Variants in NPAS3 observed in about 807,000 individuals in gnomAD.
NPAS3 encodes neuronal PAS domain protein 3.
Under a neutral mutation model 73.1 loss-of-function variants are expected in NPAS3, and 14 were observed. That is an observed-to-expected ratio of 0.19 (90% CI 0.13 to 0.30). NPAS3 has a LOEUF of 0.30. Ranked by LOEUF, NPAS3 falls within the 10% of genes least tolerant of loss-of-function variation. The pLI is 1.00. For synonymous variants in NPAS3, 620 were observed against 541.5 expected, an observed-to-expected ratio of 1.14 and a Z score of -2.01; for missense variants, 1,096 against 1,250.0, an observed-to-expected ratio of 0.88 and a Z score of 1.86.
intron 4 of NPAS3, among the ~76,000 whole-genome samples, chr14:33,445,716 T>A (rs918322299): frequency 6.6e-6 from 1 of 152,230 alleles, no homozygotes; most frequent in Non-Finnish European, 1.5e-5. Context: ...TACCATTTAT[T>A]CTCTCTTCAA....
rs185262124 is a variant in NPAS3 at position 33,431,940 on chromosome 14, G to A, written c.468+64672G>A. ...TCAGAAGTCCATGTGAAAGGTATTA[G>A]TCTGATCAACTATAGCATTTTTAGT... On this transcript the variant is annotated intron_variant, in intron 4 of 11. Transcript: ENST00000356141. Among the ~76,000 whole-genome samples the A allele has an allele frequency of 2.6e-5, 4 of 152,116 alleles. No individual in the cohort carries two copies. The East Asian group carries it at 7.7e-4, about 29-fold the overall frequency.
At chr14:33,308,553 C>CACACACACACAT (rs1195213186) in intron 3 of NPAS3, among the ~76,000 whole-genome samples, 34 of 113,826 alleles carry the variant, frequency 3.0e-4, no homozygotes, top group African/African-American at 1.1e-3. Flanking sequence ...CACACACACA[C>CACACACACACAT]ACATACATAC....
intron 4 of NPAS3, among the ~76,000 whole-genome samples, chr14:33,476,036 G>A (rs896891999): frequency 1.3e-5 from 2 of 152,160 alleles, no homozygotes; most frequent in Admixed American, 6.6e-5. Context: ...AGAATAAGAC[G>A]TGCCTTACAG....
intron 4 of NPAS3, among the ~76,000 whole-genome samples, chr14:33,381,825 C>T (rs140635592): frequency 1.3e-5 from 2 of 152,248 alleles, no homozygotes; most frequent in East Asian, 1.9e-4. Context: ...TCATTTCATT[C>T]CTGGGAAAGT....
intron 5 of NPAS3, among the ~76,000 whole-genome samples, chr14:33,667,079 A>C (rs1269766867): frequency 6.6e-6 from 1 of 152,252 alleles, no homozygotes; most frequent in Non-Finnish European, 1.5e-5. Flanking sequence ...TCACATATCT[A>C]AAATATTATT....
chr14:33,598,841 C>G (rs2057320359), intron 5 of NPAS3, among the ~76,000 whole-genome samples: 1 of 152,136 alleles, frequency 6.6e-6, no homozygotes, highest in Admixed American at 6.5e-5. Context: ...AAACACAAGG[C>G]AGCATTTTGC....
At chr14:33,031,524 A>G (rs1368476243) in intron 1 of NPAS3, among the ~76,000 whole-genome samples, 1 of 152,110 alleles carries the variant, frequency 6.6e-6, no homozygotes, top group East Asian at 1.9e-4. Flanking sequence ...ACAGGGTTTC[A>G]CTATATTACC....
At chr14:33,686,347 C>A (rs905183040) in intron 6 of NPAS3, among the ~76,000 whole-genome samples, 17 of 152,154 alleles carry the variant, frequency 1.1e-4, no homozygotes, top group Non-Finnish European at 2.9e-5. Context: ...AATCTAAGAT[C>A]CGTGTGCTAA....
chr14:33,113,232 G>A (rs554836004), intron 2 of NPAS3, among the ~76,000 whole-genome samples: 165 of 152,206 alleles, frequency 1.1e-3, no homozygotes, highest in Admixed American at 1.9e-3. Flanking sequence ...GATGGGGATG[G>A]CATTGAATCT....
intron 4 of NPAS3, among the ~76,000 whole-genome samples, chr14:33,378,589 G>A (rs1594797827): frequency 6.6e-6 from 1 of 152,066 alleles, no homozygotes. Flanking sequence ...TGAGCCAGGA[G>A]CGTGCCAGTG....
intron 4 of NPAS3, among the ~76,000 whole-genome samples, chr14:33,509,519 A>C (rs1345813499): frequency 6.6e-6 from 1 of 152,072 alleles, no homozygotes; most frequent in South Asian, 2.1e-4. Flanking sequence ...TTTCTTGTAC[A>C]AATGACTATA....
At chr14:33,365,060 C>T (rs977228058) in intron 3 of NPAS3, among the ~76,000 whole-genome samples, 1 of 151,428 alleles carries the variant, frequency 6.6e-6, no homozygotes, top group Non-Finnish European at 1.5e-5. Context: ...ATTGGAGTCC[C>T]TGAAGTGCCC....
At chr14:33,746,886 C>T (rs1419673929) in intron 7 of NPAS3, among the ~76,000 whole-genome samples, 1 of 146,308 alleles carries the variant, frequency 6.8e-6, no homozygotes, top group African/African-American at 2.7e-5. Flanking sequence ...CAATGCTATC[C>T]CTCCCCCGTC....
intron 4 of NPAS3, among the ~76,000 whole-genome samples, chr14:33,506,801 G>C (rs1158693194): frequency 6.6e-6 from 1 of 152,000 alleles, no homozygotes; most frequent in Non-Finnish European, 1.5e-5. Flanking sequence ...TAGGAAGACA[G>C]TCTCCCCCCT....
intron 6 of NPAS3, among the ~76,000 whole-genome samples, chr14:33,686,585 A>G (rs1300005642): frequency 6.6e-6 from 1 of 152,090 alleles, no homozygotes. Context: ...TTTATTTCTC[A>G]CAAAACACTA....
chr14:33,030,213 CT>C (rs1225894109), intron 1 of NPAS3, among the ~76,000 whole-genome samples: 1 of 152,104 alleles, frequency 6.6e-6, no homozygotes, highest in East Asian at 1.9e-4. Context: ...CACAATCGCG[CT>C]TGGTGGTGAT....
rs368375901 is a variant in NPAS3, at chr14:33,067,343, C to G, written c.140+11349C>G. 2.2e-4 allele frequency among the ~76,000 whole-genome samples: 33 copies of G among 152,314 alleles called. No individual in the cohort carries two copies. The East Asian group carries it at 4.8e-3, about 22-fold the overall frequency. ...ATCAGTCATTTAAAGAACACACAAC[C>G]AGTGTCCTGTGAGTGTAAAGCTGTG... On this transcript the variant is annotated intron_variant, in intron 2 of 11. Transcript: ENST00000356141.
intron 4 of NPAS3, among the ~76,000 whole-genome samples, chr14:33,535,610 A>G (rs1160397052): frequency 3.3e-5 from 5 of 152,212 alleles, no homozygotes; most frequent in Non-Finnish European, 7.3e-5. Context: ...GAATTAATCA[A>G]TTAACATGTT....
At chr14:32,958,098 T>C (rs2036756985) in intron 1 of NPAS3, among the ~76,000 whole-genome samples, 1 of 152,206 alleles carries the variant, frequency 6.6e-6, no homozygotes, top group African/African-American at 2.4e-5. Flanking sequence ...CCCTCAAAGT[T>C]GGGCCTTTCC....
Sources: gnomAD v4.1 joint callset for allele counts (sites outside exome capture counted in the v4.1 genomes callset) on GRCh38, gnomAD v4.1.1 for gene constraint, MANE v1.5 for transcripts, NCBI Gene and HGNC (gene_info 2026-07-23, HGNC 2026-07-21) for gene names.